RBFOX1: variants seen among roughly 807,000 people sequenced by gnomAD.
The protein encoded by RBFOX1 is RNA binding fox-1 homolog 1.
A neutral mutation model predicts 57.7 loss-of-function variants in RBFOX1; 8 were observed. The ratio of observed to expected loss-of-function variants is 0.14; its 90% CI spans 0.08 to 0.25. RBFOX1 has a LOEUF of 0.25. RBFOX1 is among the 10% of genes least tolerant of loss of function. RBFOX1 has a pLI of 1.00. For missense variants in RBFOX1, 611 were observed against 548.5 expected (o/e 1.11, Z -1.14); for synonymous variants, 326 against 222.4 (o/e 1.47, Z -4.15).
At chr16:7,194,921 C>T (rs1283063943) in intron 4 of RBFOX1, among the ~76,000 whole-genome samples, 5 of 70,534 alleles carry the variant, frequency 7.1e-5, no homozygotes, top group African/African-American at 3.3e-4. Flanking sequence ...AAATGAGACC[C>T]TGTTTCACAA....
intron 4 of RBFOX1, among the ~76,000 whole-genome samples, chr16:7,314,531 G>C (rs1031937318): frequency 6.6e-6 from 1 of 152,204 alleles, no homozygotes; most frequent in Non-Finnish European, 1.5e-5. Context: ...TGTAAAGAAT[G>C]AATGAAGAAC....
intron 1 of RBFOX1, among the ~76,000 whole-genome samples, chr16:6,195,455 T>C (rs935526011): frequency 1.3e-5 from 2 of 152,218 alleles, no homozygotes; most frequent in Admixed American, 1.3e-4. Flanking sequence ...CAGTGGCTCA[T>C]GCCTGTAATT....
At chr16:5,639,614 G>T (rs1275458738) in intron 3 of RBFOX1, among the ~76,000 whole-genome samples, 1 of 152,174 alleles carries the variant, frequency 6.6e-6, no homozygotes, top group African/African-American at 2.4e-5. Flanking sequence ...TCAAGTGGCA[G>T]GGTCAGCATG....
intron 2 of RBFOX1, among the ~76,000 whole-genome samples, chr16:6,529,141 C>T (rs1485341342): frequency 6.6e-6 from 1 of 152,176 alleles, no homozygotes; most frequent in Non-Finnish European, 1.5e-5. Flanking sequence ...GTGCCTCCAT[C>T]TGTTACCCAA....
At chr16:6,333,192 A>G (rs928305093) in intron 2 of RBFOX1, among the ~76,000 whole-genome samples, 10 of 152,114 alleles carry the variant, frequency 6.6e-5, no homozygotes, top group Non-Finnish European at 1.0e-4. Context: ...GTCATGTGCC[A>G]CCATGTCCAG....
At chr16:7,095,989 G>A (rs896234253) in intron 4 of RBFOX1, among the ~76,000 whole-genome samples, 12 of 144,434 alleles carry the variant, frequency 8.3e-5, no homozygotes, top group African/African-American at 3.3e-4. Context: ...CTCCAGCCTG[G>A]GCAACAGAGT....
intron 3 of RBFOX1, among the ~76,000 whole-genome samples, chr16:5,692,693 C>G (rs17510488): frequency 6.6e-6 from 1 of 151,924 alleles, no homozygotes; most frequent in Admixed American, 6.6e-5. Flanking sequence ...CTCAGTGCCT[C>G]ATCTAGTAGT....
intron 3 of RBFOX1, among the ~76,000 whole-genome samples, chr16:5,854,846 A>G (rs1464988303): frequency 4.6e-5 from 7 of 152,136 alleles, no homozygotes; most frequent in African/African-American, 1.2e-4. Context: ...CCCACCCACA[A>G]TGTAGAAAGG....
At chr16:6,655,267 G>A (rs895631633) in intron 3 of RBFOX1, among the ~76,000 whole-genome samples, 2 of 149,240 alleles carry the variant, frequency 1.3e-5, no homozygotes, top group Non-Finnish European at 3.0e-5. Context: ...CCAGCTACTT[G>A]GGAGGCTGAG....
intron 4 of RBFOX1, among the ~76,000 whole-genome samples, chr16:7,220,799 A>G (rs868368271): frequency 6.6e-6 from 1 of 152,104 alleles, no homozygotes; most frequent in African/African-American, 2.4e-5. Context: ...AGCATTTTAA[A>G]TAGGCATCTT....
rs1399423023 is a variant in RBFOX1 at position 7,123,102 on chromosome 16, C to G, written c.27+71004C>G. Among the ~76,000 whole-genome samples the G allele has an allele frequency of 2.6e-5, 4 of 152,224 alleles. No individual in the cohort carries two copies. In the East Asian group the frequency reaches 5.8e-4, roughly 22 times the overall value. ...CAAGAGAGTTTTTGGGGTGATGGAA[C>G]TCTTCTGCTTCCTAATTGCACAGCC... is the stretch of plus-strand genomic sequence containing the variant. On this transcript the variant is annotated intron_variant, in intron 4 of 15. Transcript: ENST00000550418.
intron 3 of RBFOX1, among the ~76,000 whole-genome samples, chr16:6,856,191 T>C (rs1045850427): frequency 2.0e-5 from 3 of 152,034 alleles, no homozygotes; most frequent in African/African-American, 7.3e-5. Flanking sequence ...CAAATGTGTA[T>C]TGAGAACCAG....
At chr16:7,508,834 C>G (rs554796684) in intron 4 of RBFOX1, among the ~76,000 whole-genome samples, 1 of 152,294 alleles carries the variant, frequency 6.6e-6, no homozygotes, top group South Asian at 2.1e-4. Flanking sequence ...TTCAGAAACC[C>G]CATCCATTCC....
intron 4 of RBFOX1, among the ~76,000 whole-genome samples, chr16:5,915,354 T>G (rs1180682757): frequency 6.6e-6 from 1 of 152,208 alleles, no homozygotes; most frequent in Non-Finnish European, 1.5e-5. Flanking sequence ...TTTGAGACTC[T>G]AGAGAGGGCT....
In RBFOX1 at chr16:5,543,872, G is replaced by T. The variant is rs983557440; in HGVS notation, c.259-55030G>T. On this transcript the variant is annotated intron_variant, in intron 2 of 2. Transcript: ENST00000585867. ...CAGAAATAATTCAAGTGTAAAGATA[G>T]GGAGTAAAACAACAAAACAAAAATA... is the stretch of plus-strand genomic sequence containing the variant. 3.3e-5 allele frequency among the ~76,000 whole-genome samples: 5 copies of T among 152,144 alleles called. No individual in the cohort carries two copies. In the East Asian group the frequency reaches 7.7e-4, roughly 23 times the overall value.
intron 4 of RBFOX1, among the ~76,000 whole-genome samples, chr16:7,341,776 C>CCTTCCTTCCT (rs1555741398): frequency 8.6e-4 from 82 of 95,194 alleles, no homozygotes; most frequent in African/African-American, 2.4e-3. Flanking sequence ...CCCTCCCTCC[C>CCTTCCTTCCT]TCCTTCCTTC....
At chr16:5,429,397 CG>C (rs954713354) in intron 1 of RBFOX1, among the ~76,000 whole-genome samples, 6 of 152,092 alleles carry the variant, frequency 3.9e-5, no homozygotes, top group African/African-American at 7.2e-5. Flanking sequence ...AGGCGGGACT[CG>C]GGGGAGAGTG....
intron 2 of RBFOX1, among the ~76,000 whole-genome samples, chr16:5,486,569 G>A (rs942762492): frequency 2.0e-5 from 3 of 152,182 alleles, no homozygotes; most frequent in Admixed American, 6.5e-5. Flanking sequence ...CTTGACAGAT[G>A]TTCTGGATTT....
chr16:6,751,594 G>C (rs947195269), intron 3 of RBFOX1, among the ~76,000 whole-genome samples: 3 of 152,080 alleles, frequency 2.0e-5, no homozygotes, highest in Admixed American at 2.0e-4. Flanking sequence ...ATCTGATTTG[G>C]GAGTTTTGAA....
Sources: allele counts gnomAD v4.1 joint callset (sites outside exome capture counted in the v4.1 genomes callset), GRCh38; gene constraint gnomAD v4.1.1; transcripts MANE v1.5; gene names NCBI Gene and HGNC (gene_info 2026-07-23, HGNC 2026-07-21).